TLX1: variants seen among roughly 807,000 people sequenced by gnomAD.
The protein encoded by TLX1 is T cell leukemia homeobox 1.
Under a neutral mutation model 26.5 loss-of-function variants are expected in TLX1, and 6 were observed. That is an observed-to-expected ratio of 0.23 (90% CI 0.12 to 0.45). The LOEUF (loss-of-function observed/expected upper bound fraction) is 0.45, where lower values mean the gene tolerates loss of function less well. Among genes scored for constraint, TLX1 ranks in the 20% least tolerant of loss-of-function variants. The pLI, the probability that TLX1 is intolerant of heterozygous loss-of-function variation, is 0.99. For synonymous variants in TLX1, 217 were observed against 219.7 expected, an observed-to-expected ratio of 0.99 and a Z score of 0.11; for missense variants, 418 against 482.6, an observed-to-expected ratio of 0.87 and a Z score of 1.25.
Position 101,132,187 on chromosome 10 carries a change from A to G in TLX1, c.568+78A>G, listed in dbSNP as rs547775008. 219 of 1,235,874 alleles carry G rather than the reference A, an allele frequency of 1.8e-4. No homozygotes were observed. In the African/African-American group the frequency reaches 2.9e-3, roughly 17 times the overall value. The allele number at this position is 1,235,874 out of a possible 1,614,324, so 76.6% of individuals were successfully genotyped here. On this transcript the variant is annotated intron_variant, in intron 1 of 2. Transcript: ENST00000370196. This position sits in a 1 kb window ranked among gnomAD's most constrained non-coding sequence, Gnocchi z 4.1. ...CCCCTGCCCCGCCGGGTGGCTCCCCAAAGCCGGTTCTGCGCTCCAGGTCGC... is the reference window on the plus strand; with the variant it reads ...CCCCTGCCCCGCCGGGTGGCTCCCCGAAGCCGGTTCTGCGCTCCAGGTCGC...
Position 101,131,582 on chromosome 10 carries a change from C to G in TLX1, c.41C>G (p.Ala14Gly). 1 of 1,556,762 alleles carries G rather than the reference C, an allele frequency of 6.4e-7. No homozygotes were observed. The highest frequency in any genetic ancestry group is 8.7e-7 in the Non-Finnish European group (1 of 1,155,364). The change falls in exon 1 of 3, where the codon GCA becomes GGA. Residue 14 changes from alanine (A) to glycine (G), a missense_variant. Physicochemically the swap from Ala to Gly is moderately conservative, Grantham distance 60 (BLOSUM62 0). Transcript: ENST00000370196. The stretch of plus-strand genomic sequence containing the variant: ...CCGCACCACCTCCACCCGGGTCACG[C>G]AGAGCCCATTAGCTTCGGCATCGAC... ...LGPHHLHPGHAEPISFGIDQI... is the reference protein window; with the variant it reads ...LGPHHLHPGHGEPISFGIDQI...
In TLX1 at chr10:101,131,887, GGCGGCGGCAGCA is replaced by G; in HGVS notation, c.354_365del (p.Ser119_Gly122del). The G allele has an allele frequency of 7.2e-7, 1 of 1,398,482 alleles. No homozygotes were observed. The highest frequency in any genetic ancestry group is 9.2e-7 in the Non-Finnish European group (1 of 1,084,156). The allele number at this position is 1,398,482 out of a possible 1,614,324, so 86.6% of individuals were successfully genotyped here. On this transcript the variant is annotated inframe_deletion, in exon 1 of 3. Coordinates refer to ENST00000370196, the MANE Select transcript of TLX1 (RefSeq NM_005521.4). Reference sequence around the variant, plus strand: ...GGCAGGCGGCCCCGGTCCTGGCGGCGGCGGCGGCAGCAGCGGCGGTGCCGGGGCACTCAGCGC... The same window carrying G: ...GGCAGGCGGCCCCGGTCCTGGCGGCGGCGGCGGTGCCGGGGCACTCAGCGC...
chr10:101,133,613 G>A (rs1252715882), intron 1 of TLX1, among the ~76,000 whole-genome samples: 1 of 152,232 alleles, frequency 6.6e-6, no homozygotes, highest in Non-Finnish European at 1.5e-5. Context: ...GCATGAAGGC[G>A]GTTTCAGCGA....
chr10:101,131,978 A>AC lies in TLX1; in HGVS notation c.442dup (p.Gln148ProfsTer33). 6.6e-7 allele frequency: 1 copy of AC among 1,507,044 alleles called. No homozygotes were observed. Among genetic ancestry groups the AC allele is most frequent in the Non-Finnish European group, 8.8e-7 (1 of 1,134,638 alleles). 93.4% of individuals were successfully genotyped at this position (1,507,044 alleles called of 1,614,324 possible). A position where few individuals can be genotyped will look rare whatever the true frequency, so the allele number is the denominator to read the frequency against. On this transcript the variant is annotated frameshift_variant, in exon 1 of 3. Transcript: ENST00000370196. LOFTEE classifies it high-confidence loss of function. ...AGGCCGCTCGCCGGAGCCGTGGCCC[A>AC]CCCCCAGCCCCTGGCCACCGGCTTG...
In TLX1 at chr10:101,131,517, G is replaced by GC; in HGVS notation, c.-19dup. 5 of 1,417,200 alleles carry GC rather than the reference G, an allele frequency of 3.5e-6. No individual in the cohort carries two copies. The highest frequency in any genetic ancestry group is 1.7e-5 in the South Asian group (1 of 59,176). 87.8% of individuals were successfully genotyped at this position (1,417,200 alleles called of 1,614,324 possible). On this transcript the variant is annotated 5_prime_UTR_variant, in exon 1 of 3. Transcript: ENST00000370196. ...GAGCGCAGCGAGCGCCGCCGCCCGG[G>GC]CCCCCCGGTGGGGCCAGGGCCAGCA...
chr10:101,135,383 G>C (rs1384940920), intron 2 of TLX1: 1 of 154,444 alleles, frequency 6.5e-6, no homozygotes, highest in African/African-American at 2.4e-5. Context: ...TTCCGCCTAC[G>C]GGGCCACAAA....
rs1020984282 is a variant in TLX1, at chr10:101,137,407, CCAGA to C, written c.*499_*502del. On this transcript the variant is annotated 3_prime_UTR_variant, in exon 3 of 3. Transcript: ENST00000370196. ...ATGGGCATCTATGGGAGAGTGTCAA[CCAGA>C]CAGAGGGTCACAGTGTTTACACTTT... 1 of 262,922 alleles carries C rather than the reference CCAGA, an allele frequency of 3.8e-6. No individual in the cohort carries two copies. Among genetic ancestry groups the C allele is most frequent in the Non-Finnish European group, 7.4e-6 (1 of 135,528 alleles). The allele number at this position is 262,922 out of a possible 1,614,324, so 16.3% of individuals were successfully genotyped here.
At chr10:101,134,009 T>C in intron 1 of TLX1, 166 bp from the exon 2 acceptor site, 1 of 637,906 alleles carries the variant, frequency 1.6e-6, no homozygotes, top group East Asian at 3.0e-5. Context: ...CGCTGAGGGC[T>C]AACGGGAGGA....
rs1590131080 is a variant in TLX1, at chr10:101,137,142, T to A, written c.*229T>A. On this transcript the variant is annotated 3_prime_UTR_variant, in exon 3 of 3. Coordinates refer to ENST00000370196, the MANE Select transcript of TLX1 (RefSeq NM_005521.4). ...CCCTCCCAGAGGCGTCCCGCACCTG[T>A]CTGAACTGTTAAGAAATCTGTTTTT... The A allele has an allele frequency of 1.2e-5, 7 of 578,040 alleles. No homozygotes were observed. The highest frequency in any genetic ancestry group is 1.9e-5 in the African/African-American group (1 of 53,668). 35.8% of individuals were successfully genotyped at this position (578,040 alleles called of 1,614,324 possible).
chr10:101,131,871 C>A lies in TLX1; in HGVS notation c.330C>A (p.Gly110=). Residue 110 remains glycine (G), a synonymous_variant, in exon 1 of 3, where the codon GGC becomes GGA. Coordinates refer to ENST00000370196, the MANE Select transcript of TLX1 (RefSeq NM_005521.4). ...ACGTGAACATGGCCTTGGCAGGCGGCCCCGGTCCTGGCGGCGGCGGCGGCA... is the reference window on the plus strand; with the variant it reads ...ACGTGAACATGGCCTTGGCAGGCGGACCCGGTCCTGGCGGCGGCGGCGGCA... The part of the protein sequence containing the change: ...SYNVNMALAG[G]PGPGGGGGSS... The A allele has an allele frequency of 2.1e-6, 3 of 1,404,214 alleles. No individual in the cohort carries two copies. The highest frequency in any genetic ancestry group is 2.8e-6 in the Non-Finnish European group (3 of 1,086,188). The allele number at this position is 1,404,214 out of a possible 1,614,324, so 87.0% of individuals were successfully genotyped here. A position where few individuals can be genotyped will look rare whatever the true frequency, so the allele number is the denominator to read the frequency against.
rs1487707468 is a variant in TLX1, at chr10:101,132,004, C to T, written c.463C>T (p.Pro155Ser). ...AHPQPLATGL[P>S]TVPSVPAMPG... ...CCCCCAGCCCCTGGCCACCGGCTTG[C>T]CCACCGTGCCCTCTGTGCCTGCCAT... Residue 155 changes from proline to serine, a missense_variant, in exon 1 of 3, where the codon CCC (proline) becomes TCC (serine). Pro to Ser is a moderately conservative substitution (Grantham distance 74, BLOSUM62 -1). This residue lies in a region of TLX1 where 322 missense variants were observed against 344.6 expected (regional missense o/e 0.93). Transcript: ENST00000370196. This position sits in a 1 kb window ranked among gnomAD's most constrained non-coding sequence, Gnocchi z 4.1. 6.6e-7 allele frequency: 1 copy of T among 1,523,904 alleles called. No homozygotes were observed. The highest frequency in any genetic ancestry group is 8.7e-7 in the Non-Finnish European group (1 of 1,144,732). The allele number at this position is 1,523,904 out of a possible 1,614,324, so 94.4% of individuals were successfully genotyped here.
At chr10:101,134,815 G>A (rs907930935) in intron 2 of TLX1, among the ~76,000 whole-genome samples, 1 of 152,360 alleles carries the variant, frequency 6.6e-6, no homozygotes, top group Admixed American at 6.5e-5. Flanking sequence ...CGCTCCAGCC[G>A]GGCTCCCGGC....
Position 101,134,237 on chromosome 10 carries a change from C to A in TLX1, c.631C>A (p.Leu211Met). ...GAAGCCGCGCACGTCCTTCACACGC[C>A]TGCAGATCTGCGAGCTGGAGAAGCG... ...KKKPRTSFTR[L>M]QICELEKRFH... Residue 211 changes from leucine to methionine, a missense_variant, in exon 2 of 3, where the codon CTG becomes ATG. By Grantham distance (15) the Leu-to-Met change is conservative (BLOSUM62 2). This residue lies in a region of TLX1 where 322 missense variants were observed against 344.6 expected (regional missense o/e 0.93). Transcript: ENST00000370196. 1 of 1,611,556 alleles carries A rather than the reference C, an allele frequency of 6.2e-7. No individual in the cohort carries two copies. The highest frequency in any genetic ancestry group is 2.2e-5 in the East Asian group (1 of 44,748).
Position 101,131,650 on chromosome 10 carries a change from G to A in TLX1, c.109G>A (p.Ala37Thr). The change falls in exon 1 of 3, where the codon GCC becomes ACC. Residue 37 changes from alanine (A) to threonine (T), a missense_variant. Coordinates refer to ENST00000370196, the MANE Select transcript of TLX1 (RefSeq NM_005521.4). ...GGACCAGGGTGGCTGCATGGGACCC[G>A]CCTCGCGCCTCCAGGACGGAGAATA... is the stretch of plus-strand genomic sequence containing the variant. ...SPDQGGCMGP[A>T]SRLQDGEYGL... is the part of the protein sequence containing the mutation. 6.4e-7 allele frequency: 1 copy of A among 1,565,250 alleles called. No homozygotes were observed. The highest frequency in any genetic ancestry group is 8.6e-7 in the Non-Finnish European group (1 of 1,159,864).
At chr10:101,135,931 G>T (rs777172792) in intron 2 of TLX1, among the ~76,000 whole-genome samples, 4 of 152,190 alleles carry the variant, frequency 2.6e-5, no homozygotes, top group Admixed American at 6.5e-5. Flanking sequence ...AGAAAAGGCG[G>T]CCCAGAGCAG....
rs929878909 is a variant in TLX1 at position 101,134,227 on chromosome 10, C to T, written c.621C>T (p.Ser207=). ...TPPKKKKPRT[S]FTRLQICELE... ...CCAAGAAGAAGAAGCCGCGCACGTC[C>T]TTCACACGCCTGCAGATCTGCGAGC... Residue 207 remains serine, a synonymous_variant, in exon 2 of 3, where the codon TCC becomes TCT. Coordinates refer to ENST00000370196, the MANE Select transcript of TLX1 (RefSeq NM_005521.4). The T allele has an allele frequency of 1.2e-6, 2 of 1,611,280 alleles. No individual in the cohort carries two copies. Among genetic ancestry groups the T allele is most frequent in the Admixed American group, 1.7e-5 (1 of 59,722 alleles).
At position 101,134,386 on chromosome 10, in the gene TLX1, C is replaced by G; in HGVS notation, c.770+10C>G. On this transcript the variant is annotated intron_variant, in intron 2 of 2. Transcript: ENST00000370196. ...GGCGGACAAAGTGGAGGTGAGCAAG[C>G]GGGGCGGGCCGGCCGCCCGCGAGCG... 1 of 1,545,664 alleles carries G rather than the reference C, an allele frequency of 6.5e-7. No individual in the cohort carries two copies. The highest frequency in any genetic ancestry group is 1.7e-4 in the Middle Eastern group (1 of 5,762).
At position 101,136,968 on chromosome 10, in the gene TLX1, T is replaced by C; in HGVS notation, c.*55T>C. 1 of 1,595,618 alleles carries C rather than the reference T, an allele frequency of 6.3e-7. No individual in the cohort carries two copies. Among genetic ancestry groups the C allele is most frequent in the Non-Finnish European group, 8.6e-7 (1 of 1,169,032 alleles). On this transcript the variant is annotated 3_prime_UTR_variant, in exon 3 of 3. Coordinates refer to ENST00000370196, the MANE Select transcript of TLX1 (RefSeq NM_005521.4). ...GGCCCACTCAGGGGTCACTGAGGCCTGAGACCCAGGACTCCTCCCCACCCT... is the reference window on the plus strand; with the variant it reads ...GGCCCACTCAGGGGTCACTGAGGCCCGAGACCCAGGACTCCTCCCCACCCT...
At chr10:101,134,812 G>A (rs760550894) in intron 2 of TLX1, among the ~76,000 whole-genome samples, 107 of 152,384 alleles carry the variant, frequency 7.0e-4, no homozygotes, top group Non-Finnish European at 1.1e-3. Context: ...CAGCGCTCCA[G>A]CCGGGCTCCC....
Sources: gnomAD v4.1 joint callset for allele counts (sites outside exome capture counted in the v4.1 genomes callset) on GRCh38, gnomAD v4.1.1 for gene constraint, gnomAD v4.1.1 regional missense constraint, Gnocchi (gnomAD v3.1) non-coding constraint, MANE v1.5 for transcripts, NCBI Gene and HGNC (gene_info 2026-07-23, HGNC 2026-07-21) for gene names.